ERO1A: variants seen among roughly 807,000 people sequenced by gnomAD.
ERO1A encodes the protein endoplasmic reticulum oxidoreductase 1 alpha.
A neutral mutation model predicts 76.9 loss-of-function variants in ERO1A; 49 were observed. That is an observed-to-expected ratio of 0.64 (90% CI 0.51 to 0.81). The LOEUF (loss-of-function observed/expected upper bound fraction) is 0.81, where lower values mean the gene tolerates loss of function less well. ERO1A is among the 30% of genes least tolerant of loss of function. The pLI is 0.00. For missense variants in ERO1A, 448 were observed against 542.1 expected (o/e 0.83, Z 1.72); for synonymous variants, 174 against 181.2 (o/e 0.96, Z 0.32).
Position 52,695,423 on chromosome 14 carries a change from G to T in ERO1A, c.59C>A (p.Ser20Ter). ...CGGGGGCTGCTCCTCTCCGTGGCCCGAGCTGAGCAGCCACACGGCGCCCAG... is the reference window on the plus strand; with the variant it reads ...CGGGGGCTGCTCCTCTCCGTGGCCCTAGCTGAGCAGCCACACGGCGCCCAG... ...GLLGAVWLLSSGHGEEQPPET... is the reference protein window; with the variant it reads ...GLLGAVWLLS The change falls in exon 1 of 16, where the codon TCG becomes TAG. Residue 20 changes from serine (S) to a stop codon, truncating the protein, a stop_gained. Coordinates refer to ENST00000395686, the MANE Select transcript of ERO1A (RefSeq NM_014584.3). LOFTEE classifies it high-confidence loss of function. 6.4e-7 allele frequency: 1 copy of T among 1,552,798 alleles called. No homozygotes were observed. Among genetic ancestry groups the T allele is most frequent in the Non-Finnish European group, 8.7e-7 (1 of 1,149,476 alleles).
At chr14:52,675,160 G>C (rs1197783530) in intron 4 of ERO1A, among the ~76,000 whole-genome samples, 3 of 152,152 alleles carry the variant, frequency 2.0e-5, no homozygotes, top group African/African-American at 7.2e-5. Flanking sequence ...GAGACAGGTG[G>C]ATCACTTGAG....
chr14:52,664,571 C>A (rs866661614), intron 7 of ERO1A, among the ~76,000 whole-genome samples: 2 of 152,182 alleles, frequency 1.3e-5, no homozygotes, highest in African/African-American at 2.4e-5. Flanking sequence ...GCCCTTTATA[C>A]ATTGTTTATA....
chr14:52,663,516 C>T (rs944433917), intron 8 of ERO1A, among the ~76,000 whole-genome samples: 3 of 150,914 alleles, frequency 2.0e-5, no homozygotes, highest in Admixed American at 6.6e-5. Context: ...AGGAGAATGG[C>T]GTGAACCCGG....
chr14:52,665,530 A>C (rs1257301324), intron 7 of ERO1A, among the ~76,000 whole-genome samples: 1 of 152,116 alleles, frequency 6.6e-6, no homozygotes. Context: ...ACTTATAAAA[A>C]GTGAAATATA....
intron 13 of ERO1A, chr14:52,647,056 A>G (rs1357138151): frequency 7.3e-6 from 1 of 136,086 alleles, no homozygotes; most frequent in Non-Finnish European, 1.5e-5. Flanking sequence ...GCTCACTGCA[A>G]GCTCTGCCTC....
intron 6 of ERO1A, among the ~76,000 whole-genome samples, chr14:52,667,717 G>A (rs2040458950): frequency 6.6e-6 from 1 of 151,912 alleles, no homozygotes; most frequent in Non-Finnish European, 1.5e-5. Flanking sequence ...GTGAGACTGT[G>A]TCTCAAAAAA....
chr14:52,680,448 CAAT>C (rs1409711682), intron 3 of ERO1A, among the ~76,000 whole-genome samples: 13 of 152,218 alleles, frequency 8.5e-5, no homozygotes, highest in African/African-American at 2.9e-4. Flanking sequence ...TACACTTCAT[CAAT>C]AATAATCAGA....
At position 52,669,998 on chromosome 14, in the gene ERO1A, T is replaced by G. The variant is rs190972615; in HGVS notation, c.508+1632A>C. Among the ~76,000 whole-genome samples, 442 of 152,280 alleles carry G rather than the reference T, an allele frequency of 2.9e-3. 4 individuals carry two copies. Among genetic ancestry groups the G allele is most frequent in the African/African-American group, 0.01 (430 of 41,566 alleles). ...GTACAGTGGTGCAATCAGAGCTCAC[T>G]CCAGCCTCAACCCCCTGGATCAAGC... is the stretch of plus-strand genomic sequence containing the variant. On this transcript the variant is annotated intron_variant, in intron 6 of 15. Transcript: ENST00000395686.
At chr14:52,685,805 C>G (rs1271411171) in intron 1 of ERO1A, among the ~76,000 whole-genome samples, 4 of 152,308 alleles carry the variant, frequency 2.6e-5, no homozygotes, top group African/African-American at 9.6e-5. Context: ...TCCCAAGACA[C>G]TCCACACACT....
chr14:52,679,498 C>T (rs897824278), intron 3 of ERO1A, among the ~76,000 whole-genome samples: 3 of 151,722 alleles, frequency 2.0e-5, no homozygotes, highest in Admixed American at 6.6e-5. Context: ...CTGCAACCTC[C>T]GCCTCCTGGG....
intron 13 of ERO1A, among the ~76,000 whole-genome samples, chr14:52,651,396 A>C (rs1209736889): frequency 6.9e-6 from 1 of 145,746 alleles, no homozygotes; most frequent in Non-Finnish European, 1.5e-5. Context: ...TCAGCAAAAG[A>C]TAGACTAATA....
At chr14:52,677,455 C>A (rs1253512445) in intron 4 of ERO1A, among the ~76,000 whole-genome samples, 1 of 152,062 alleles carries the variant, frequency 6.6e-6, no homozygotes, top group Non-Finnish European at 1.5e-5. Context: ...TTATCAGAAA[C>A]AAAGAAAGAC....
intron 6 of ERO1A, among the ~76,000 whole-genome samples, chr14:52,667,852 A>G (rs572466526): frequency 6.6e-6 from 1 of 152,316 alleles, no homozygotes; most frequent in African/African-American, 2.4e-5. Flanking sequence ...AACGGTCTCA[A>G]TGCAACCAAA....
At chr14:52,673,962 T>C (rs753623876) in intron 4 of ERO1A, among the ~76,000 whole-genome samples, 1 of 152,234 alleles carries the variant, frequency 6.6e-6, no homozygotes, top group African/African-American at 2.4e-5. Context: ...AATTATGAAT[T>C]ATTTGTATAT....
At chr14:52,667,124 C>T (rs907409595) in intron 6 of ERO1A, among the ~76,000 whole-genome samples, 7 of 152,140 alleles carry the variant, frequency 4.6e-5, no homozygotes, top group South Asian at 2.1e-4. Context: ...CCACATTAAC[C>T]ACAGCAGTTC....
intron 1 of ERO1A, among the ~76,000 whole-genome samples, chr14:52,685,870 C>A (rs916281747): frequency 1.1e-4 from 16 of 152,288 alleles, no homozygotes; most frequent in Middle Eastern, 6.8e-3. Context: ...TTTACCCCTG[C>A]CCACTAAAGT....
chr14:52,668,052 C>T (rs769171597), intron 6 of ERO1A, among the ~76,000 whole-genome samples: 3 of 151,526 alleles, frequency 2.0e-5, no homozygotes, highest in Non-Finnish European at 4.4e-5. Flanking sequence ...AGTACAATGA[C>T]GGCATCTTAA....
chr14:52,689,343 A>T (rs2041281271), intron 1 of ERO1A, among the ~76,000 whole-genome samples: 1 of 152,250 alleles, frequency 6.6e-6, no homozygotes, highest in Non-Finnish European at 1.5e-5. Context: ...CAAATAAAAA[A>T]TACGTAAAAT....
intron 11 of ERO1A, among the ~76,000 whole-genome samples, chr14:52,655,318 T>C (rs1383484084): frequency 1.3e-5 from 2 of 151,976 alleles, no homozygotes; most frequent in Admixed American, 6.6e-5. Flanking sequence ...TGAGCCAAGA[T>C]TGCACCACTG....
Sources: gnomAD v4.1 joint callset for allele counts (sites outside exome capture counted in the v4.1 genomes callset) on GRCh38, gnomAD v4.1.1 for gene constraint, MANE v1.5 for transcripts, NCBI Gene and HGNC (gene_info 2026-07-23, HGNC 2026-07-21) for gene names.